The following PAFAH1B1 variants were observed in gnomAD, a reference collection of about 807,000 sequenced individuals.
PAFAH1B1 encodes the protein platelet activating factor acetylhydrolase 1b regulatory subunit 1.
In PAFAH1B1, 2 loss-of-function variants were observed where a neutral mutation model predicts 57.5. That is an observed-to-expected ratio of 0.03 (90% CI 0.01 to 0.11). The LOEUF is 0.11. Ranked by LOEUF, PAFAH1B1 falls within the 10% of genes least tolerant of loss-of-function variation. PAFAH1B1 has a pLI of 1.00. For missense variants in PAFAH1B1, 257 were observed against 512.0 expected (o/e 0.50, Z 4.81); for synonymous variants, 152 against 169.6 (o/e 0.90, Z 0.81).
chr17:2,612,571 C>G (rs2068279883), intron 1 of PAFAH1B1, among the ~76,000 whole-genome samples: 1 of 151,746 alleles, frequency 6.6e-6, no homozygotes, highest in African/African-American at 2.4e-5. Context: ...CAGATAATTT[C>G]TAGATGTAAG....
At chr17:2,647,315 G>A (rs1026589762) in intron 2 of PAFAH1B1, among the ~76,000 whole-genome samples, 3 of 152,096 alleles carry the variant, frequency 2.0e-5, no homozygotes, top group Admixed American at 6.6e-5. Flanking sequence ...GCAGTGAGCC[G>A]AGATCGTGCC....
At chr17:2,623,613 T>C (rs1281623408) in intron 1 of PAFAH1B1, among the ~76,000 whole-genome samples, 1 of 150,672 alleles carries the variant, frequency 6.6e-6, no homozygotes, top group African/African-American at 2.5e-5. Context: ...TTCTAAACTT[T>C]CATGCTCTAC....
chr17:2,652,417 AC>A (rs1303682856), intron 2 of PAFAH1B1, among the ~76,000 whole-genome samples: 3 of 152,362 alleles, frequency 2.0e-5, no homozygotes, highest in South Asian at 2.1e-4. Flanking sequence ...TCCGTCTCAA[AC>A]AAAACAAAAC....
chr17:2,630,926 T>A (rs1263262173), intron 1 of PAFAH1B1, among the ~76,000 whole-genome samples: 2 of 152,090 alleles, frequency 1.3e-5, no homozygotes, highest in Non-Finnish European at 2.9e-5. Flanking sequence ...ATCCACATGA[T>A]CAAATATCAT....
intron 1 of PAFAH1B1, among the ~76,000 whole-genome samples, chr17:2,630,204 C>G (rs567992513): frequency 6.9e-4 from 105 of 151,946 alleles, no homozygotes; most frequent in South Asian, 1.2e-3. Flanking sequence ...TTTGTAGGTC[C>G]TATGTGATTT....
chr17:2,610,977 A>T (rs1333243518), intron 1 of PAFAH1B1, among the ~76,000 whole-genome samples: 2 of 152,172 alleles, frequency 1.3e-5, no homozygotes, highest in Admixed American at 1.3e-4. Flanking sequence ...AGTACAGACC[A>T]TTCATATGTA....
chr17:2,631,617 C>T (rs1224114229), intron 1 of PAFAH1B1, among the ~76,000 whole-genome samples: 1 of 152,148 alleles, frequency 6.6e-6, no homozygotes, highest in Non-Finnish European at 1.5e-5. Context: ...CCTTCAGCTT[C>T]TCTAGTGGGG....
At chr17:2,642,873 A>G (rs556547770) in intron 2 of PAFAH1B1, among the ~76,000 whole-genome samples, 1 of 152,086 alleles carries the variant, frequency 6.6e-6, no homozygotes, top group South Asian at 2.1e-4. Context: ...CCGCTGTCCT[A>G]TCTTTAATTT....
In PAFAH1B1 at chr17:2,655,183, ATGTGTG is replaced by A. The variant is rs34493806; in HGVS notation, c.33-10161_33-10156del. On this transcript the variant is annotated intron_variant, in intron 2 of 10. Coordinates refer to ENST00000397195, the MANE Select transcript of PAFAH1B1 (RefSeq NM_000430.4). ...ATTTAAAAAATATATATATACATATATGTGTGTGTGTGTGTGTGTGTGTGTGTGTGT... is the reference window on the plus strand; with the variant it reads ...ATTTAAAAAATATATATATACATATATGTGTGTGTGTGTGTGTGTGTGTGT... 6.9e-3 allele frequency among the ~76,000 whole-genome samples: 995 copies of A among 143,908 alleles called. 8 individuals carry two copies. The highest frequency in any genetic ancestry group is 0.018 in the South Asian group (82 of 4,548). The allele number at this position is 143,908 out of a possible 152,430, so 94.4% of individuals were successfully genotyped here.
chr17:2,664,694 T>TCTCTCTCTCTCTCGCTCTCTCTCTC (rs1567554200), intron 2 of PAFAH1B1, among the ~76,000 whole-genome samples: 1 of 114,462 alleles, frequency 8.7e-6, no homozygotes, highest in Non-Finnish European at 2.0e-5. Flanking sequence ...CTCTCTCTCT[T>TCTCTCTCTCTCTCGCTCTCTCTCTC]TCTCTCTCCA....
chr17:2,665,704 C>T (rs542293267), intron 3 of PAFAH1B1, among the ~76,000 whole-genome samples: 34 of 152,108 alleles, frequency 2.2e-4, no homozygotes, highest in Non-Finnish European at 4.9e-4. Flanking sequence ...CAGATTCAAG[C>T]GATTCTCCTA....
rs559266515 is a variant in PAFAH1B1, at chr17:2,627,061, T to A, written c.-190-11038T>A. Reference sequence around the variant, plus strand: ...GTGGGTTGTCTGTTTACTCTGCTGATTGTTCCTTTTGCCATCCAAAAGCTC... The same window carrying A: ...GTGGGTTGTCTGTTTACTCTGCTGAATGTTCCTTTTGCCATCCAAAAGCTC... On this transcript the variant is annotated intron_variant, in intron 1 of 10. Coordinates refer to ENST00000397195, the MANE Select transcript of PAFAH1B1 (RefSeq NM_000430.4). Among the ~76,000 whole-genome samples, 284 of 152,324 alleles carry A rather than the reference T, an allele frequency of 1.9e-3. 1 individual carries two copies. Among genetic ancestry groups the A allele is most frequent in the African/African-American group, 6.4e-3 (268 of 41,572 alleles).
At chr17:2,595,450 C>T (rs1242219052) in intron 1 of PAFAH1B1, among the ~76,000 whole-genome samples, 2 of 141,966 alleles carry the variant, frequency 1.4e-5, no homozygotes, top group South Asian at 2.2e-4. Context: ...TGCAGCAGGG[C>T]GGCTTAATTG....
At chr17:2,659,019 G>A (rs1217206682) in intron 2 of PAFAH1B1, among the ~76,000 whole-genome samples, 1 of 151,582 alleles carries the variant, frequency 6.6e-6, no homozygotes, top group Non-Finnish European at 1.5e-5. Flanking sequence ...TTTGGGCCAA[G>A]GTGGACGAAT....
chr17:2,669,470 G>C (rs957969230), intron 5 of PAFAH1B1, among the ~76,000 whole-genome samples: 2 of 152,040 alleles, frequency 1.3e-5, no homozygotes, highest in Non-Finnish European at 2.9e-5. Flanking sequence ...CACCATATTA[G>C]CCAGGATAGT....
chr17:2,656,927 C>G (rs2068943517), intron 2 of PAFAH1B1, among the ~76,000 whole-genome samples: 1 of 151,974 alleles, frequency 6.6e-6, no homozygotes, highest in South Asian at 2.1e-4. Context: ...TGATTTAGAG[C>G]AGTTTTTTTT....
chr17:2,649,111 C>G (rs547565292), intron 2 of PAFAH1B1, among the ~76,000 whole-genome samples: 1 of 148,336 alleles, frequency 6.7e-6, no homozygotes, highest in African/African-American at 2.5e-5. Flanking sequence ...TTTGGGATGT[C>G]GAGGCTGAGA....
intron 2 of PAFAH1B1, among the ~76,000 whole-genome samples, chr17:2,661,114 A>C (rs1471382248): frequency 6.6e-6 from 1 of 151,318 alleles, no homozygotes; most frequent in Non-Finnish European, 1.5e-5. Context: ...CCCGTTCTGT[A>C]GGTTGCATGT....
At chr17:2,602,936 T>C (rs563105974) in intron 1 of PAFAH1B1, among the ~76,000 whole-genome samples, 3 of 152,354 alleles carry the variant, frequency 2.0e-5, no homozygotes, top group African/African-American at 7.2e-5. Flanking sequence ...CGTACTGTGC[T>C]GACTCCCTCT....
Sources: gnomAD v4.1 joint callset for allele counts (sites outside exome capture counted in the v4.1 genomes callset) on GRCh38, gnomAD v4.1.1 for gene constraint, MANE v1.5 for transcripts, NCBI Gene and HGNC (gene_info 2026-07-23, HGNC 2026-07-21) for gene names.